The following PCDHGB2 variants were observed in gnomAD, a reference collection of about 807,000 sequenced individuals.
PCDHGB2 encodes the protein protocadherin gamma-B2.
PCDHGB2 carries 55 observed loss-of-function variants against 59.3 expected under a neutral mutation model. The observed-to-expected ratio is 0.93, with a 90% CI of 0.75 to 1.16. PCDHGB2 has a LOEUF of 1.16. PCDHGB2 is among the 50% of genes most tolerant of loss of function. PCDHGB2 has a pLI of 0.00. For synonymous variants in PCDHGB2, 516 were observed against 512.0 expected (o/e 1.01, Z -0.11); for missense variants, 1,228 against 1,198.5 (o/e 1.02, Z -0.36).
chr5:141,494,756 A>G (rs780402065), intron 1 of PCDHGB2, 51 bp from the exon 2 acceptor site: 2 of 1,613,460 alleles, frequency 1.2e-6, no homozygotes, highest in South Asian at 1.1e-5. Context: ...CTCGGGTGAC[A>G]TTCTAACTTC....
At chr5:141,392,682 C>T in intron 1 of PCDHGB2, 2 of 1,035,550 alleles carry the variant, frequency 1.9e-6, no homozygotes, top group Non-Finnish European at 2.7e-6. Flanking sequence ...TGGACTGCAG[C>T]GAAACCCGAC....
At chr5:141,469,552 C>T (rs956606902) in intron 1 of PCDHGB2, among the ~76,000 whole-genome samples, 3 of 151,910 alleles carry the variant, frequency 2.0e-5, no homozygotes, top group Non-Finnish European at 4.4e-5. Flanking sequence ...TCCAGCCTGG[C>T]GACAGAGTGA....
chr5:141,364,250 A>G, intron 1 of PCDHGB2: 2 of 1,482,280 alleles, frequency 1.3e-6, no homozygotes, highest in Non-Finnish European at 1.8e-6. Flanking sequence ...TCGTCAGGGA[A>G]TATGTACCCA....
chr5:141,382,962 G>T (rs1259468425), intron 1 of PCDHGB2: 2 of 1,607,858 alleles, frequency 1.2e-6, no homozygotes, highest in Non-Finnish European at 1.7e-6. Flanking sequence ...TCCTCCTGGG[G>T]ACCCCCTGGG....
chr5:141,482,505 C>T (rs1183998287), intron 1 of PCDHGB2, among the ~76,000 whole-genome samples: 1 of 122,986 alleles, frequency 8.1e-6, no homozygotes, highest in African/African-American at 3.4e-5. Context: ...TTCTGGTACC[C>T]AGAGTACAGT....
chr5:141,398,910 G>T, intron 1 of PCDHGB2: 1 of 1,613,972 alleles, frequency 6.2e-7, no homozygotes, highest in Non-Finnish European at 8.5e-7. Flanking sequence ...GCACCACTGT[G>T]TTGCAAGTGT....
At chr5:141,441,859 G>T in intron 1 of PCDHGB2, 1 of 348,078 alleles carries the variant, frequency 2.9e-6, no homozygotes. Context: ...GGTGCTGCAC[G>T]CCGCGGAGCC....
chr5:141,475,947 C>A, intron 1 of PCDHGB2: 1 of 748,120 alleles, frequency 1.3e-6, no homozygotes, highest in Non-Finnish European at 2.1e-6. Context: ...CGTCCCCTTT[C>A]TGCGCCCCGG....
chr5:141,398,088 C>T lies in PCDHGB2; in HGVS notation c.2421+35532C>T, dbSNP rs781722295. On this transcript the variant is annotated intron_variant, in intron 1 of 3. Coordinates refer to ENST00000522605, the MANE Select transcript of PCDHGB2 (RefSeq NM_018923.3). ...AATACAGAGGTTATTTGTAACCTGGCGTCTCCAGGCTGGTGAGCAAGCTGA... is the reference window on the plus strand; with the variant it reads ...AATACAGAGGTTATTTGTAACCTGGTGTCTCCAGGCTGGTGAGCAAGCTGA... The T allele has an allele frequency of 1.1e-5, 18 of 1,598,420 alleles. 1 individual carries two copies. In the South Asian group the frequency reaches 1.9e-4, roughly 17 times the overall value.
chr5:141,393,787 G>A (rs1267376494), intron 1 of PCDHGB2: 3 of 1,613,930 alleles, frequency 1.9e-6, no homozygotes, highest in Non-Finnish European at 2.5e-6. Flanking sequence ...GAAGATGTGG[G>A]GGCACTTCTG....
At position 141,360,128 on chromosome 5, in the gene PCDHGB2, G is replaced by A. The variant is rs1761430982; in HGVS notation, c.-8G>A. On this transcript the variant is annotated 5_prime_UTR_variant, in exon 1 of 4. Coordinates refer to ENST00000522605, the MANE Select transcript of PCDHGB2 (RefSeq NM_018923.3). The stretch of plus-strand genomic sequence containing the variant: ...TCCTATGGGCAAAGGAGCAAAGGGA[G>A]CCAGAAGATGAAAGCGAGCTCAGGG... The A allele has an allele frequency of 6.3e-7, 1 of 1,586,806 alleles. No homozygotes were observed.
chr5:141,494,943 G>A, intron 2 of PCDHGB2, 78 bp downstream of exon 2: 2 of 1,610,326 alleles, frequency 1.2e-6, no homozygotes, highest in Non-Finnish European at 1.7e-6. Flanking sequence ...ATGGGGGAGG[G>A]CCCAGCATTT....
chr5:141,453,784 G>T (rs767312144), intron 1 of PCDHGB2, among the ~76,000 whole-genome samples: 47 of 152,298 alleles, frequency 3.1e-4, no homozygotes, highest in Non-Finnish European at 5.6e-4. Flanking sequence ...AGTTACCATG[G>T]TATATTAACT....
chr5:141,376,559 C>T, intron 1 of PCDHGB2: 1 of 1,609,498 alleles, frequency 6.2e-7, no homozygotes, highest in Non-Finnish European at 8.5e-7. Flanking sequence ...TCCCGCAACC[C>T]AACTAATCAG....
At chr5:141,475,217 A>G (rs1053906682) in intron 1 of PCDHGB2, among the ~76,000 whole-genome samples, 4 of 152,196 alleles carry the variant, frequency 2.6e-5, no homozygotes, top group Non-Finnish European at 5.9e-5. Flanking sequence ...AGGATTGATC[A>G]AGTAAAGGGA....
At chr5:141,458,496 A>G (rs905073741) in intron 1 of PCDHGB2, among the ~76,000 whole-genome samples, 1 of 151,694 alleles carries the variant, frequency 6.6e-6, no homozygotes, top group Non-Finnish European at 1.5e-5. Flanking sequence ...CTGCCTGTAC[A>G]TACTGTTTGA....
At chr5:141,374,810 A>G in intron 1 of PCDHGB2, 1 of 1,613,952 alleles carries the variant, frequency 6.2e-7, no homozygotes, top group Non-Finnish European at 8.5e-7. Context: ...TCCAATGTTT[A>G]CTCAGCCTGT....
intron 1 of PCDHGB2, chr5:141,399,029 A>G: frequency 6.2e-7 from 1 of 1,613,912 alleles, no homozygotes. Context: ...ACCACTCAAA[A>G]GAAACTGGAT....
chr5:141,372,523 C>G, intron 1 of PCDHGB2: 1 of 1,614,018 alleles, frequency 6.2e-7, no homozygotes, highest in Non-Finnish European at 8.5e-7. Flanking sequence ...GTGATTCTGG[C>G]AATCTCCCTG....
Sources: allele counts gnomAD v4.1 joint callset (sites outside exome capture counted in the v4.1 genomes callset), GRCh38; gene constraint gnomAD v4.1.1; transcripts MANE v1.5; gene names NCBI Gene and HGNC (gene_info 2026-07-23, HGNC 2026-07-21).